Variants in MGAT4C observed in about 807,000 individuals in gnomAD.
MGAT4C encodes MGAT4 family member C.
In MGAT4C, 19 loss-of-function variants were observed where a neutral mutation model predicts 40.1. That is an observed-to-expected ratio of 0.47 (90% CI 0.33 to 0.70). MGAT4C has a LOEUF of 0.70. Ranked by LOEUF, MGAT4C falls within the 30% of genes least tolerant of loss-of-function variation. The pLI is 0.02. For missense variants in MGAT4C, 491 were observed against 563.2 expected, an observed-to-expected ratio of 0.87 and a Z score of 1.30; for synonymous variants, 181 against 187.1, an observed-to-expected ratio of 0.97 and a Z score of 0.27.
intron 1 of MGAT4C, among the ~76,000 whole-genome samples, chr12:86,172,446 G>A (rs1294761194): frequency 6.6e-6 from 1 of 151,972 alleles, no homozygotes; most frequent in Non-Finnish European, 1.5e-5. Context: ...CAGGTCTTCT[G>A]GTAGTCACTG....
intron 3 of MGAT4C, among the ~76,000 whole-genome samples, chr12:86,408,479 C>CTCTCTCTCTATATATATATATATA (rs1267344319): frequency 1.6e-5 from 1 of 63,342 alleles, no homozygotes; most frequent in African/African-American, 7.8e-5. Flanking sequence ...CTCTCTCTCT[C>CTCTCTCTCTATATATATATATATA]TATATATATA....
chr12:86,761,820 C>G (rs1388608680), intron 1 of MGAT4C, among the ~76,000 whole-genome samples: 1 of 152,016 alleles, frequency 6.6e-6, no homozygotes, highest in African/African-American at 2.4e-5. Flanking sequence ...TTCTTAAGGA[C>G]CTTTGTGATA....
chr12:86,142,682 G>T (rs1882993370), intron 1 of MGAT4C, among the ~76,000 whole-genome samples: 1 of 151,830 alleles, frequency 6.6e-6, no homozygotes, highest in South Asian at 2.1e-4. Context: ...ACATAGGTAG[G>T]GATGGAGAGA....
At chr12:86,721,551 G>A (rs1200980000) in intron 2 of MGAT4C, among the ~76,000 whole-genome samples, 1 of 152,012 alleles carries the variant, frequency 6.6e-6, no homozygotes, top group Non-Finnish European at 1.5e-5. Flanking sequence ...AGAATCTTTG[G>A]CTAGCAAGTT....
rs796784284 is a variant in MGAT4C at position 86,244,701 on chromosome 12, G to A, written c.-57+11538C>T. Among the ~76,000 whole-genome samples the A allele has an allele frequency of 7.2e-5, 11 of 152,236 alleles. 1 individual carries two copies. The highest frequency in any genetic ancestry group is 2.4e-4 in the African/African-American group (10 of 41,542). ...TACAGGGAAAGTGAAAATGCTCTAT[G>A]AGCACAAAAGAGGGACACCTCACTC... On this transcript the variant is annotated intron_variant, in intron 1 of 4. Transcript: ENST00000611864.
At chr12:86,066,347 G>A (rs898979914) in intron 1 of MGAT4C, among the ~76,000 whole-genome samples, 1 of 151,904 alleles carries the variant, frequency 6.6e-6, no homozygotes, top group Admixed American at 6.6e-5. Flanking sequence ...GCATTGTACT[G>A]CTACCAAAAC....
chr12:86,093,561 T>C (rs1165665162), intron 1 of MGAT4C, among the ~76,000 whole-genome samples: 2 of 151,992 alleles, frequency 1.3e-5, no homozygotes, highest in East Asian at 3.9e-4. Flanking sequence ...AAACCCTGTC[T>C]CTACCAAAAA....
chr12:86,185,132 T>C (rs1159387787), intron 1 of MGAT4C, among the ~76,000 whole-genome samples: 3 of 152,136 alleles, frequency 2.0e-5, no homozygotes, highest in African/African-American at 7.2e-5. Flanking sequence ...AAAAGCCAAT[T>C]AGATTTTTAA....
At chr12:86,760,487 T>C (rs1951385096) in intron 1 of MGAT4C, among the ~76,000 whole-genome samples, 1 of 152,068 alleles carries the variant, frequency 6.6e-6, no homozygotes. Context: ...GGCTTCCACT[T>C]CATTCAAGAT....
chr12:86,045,185 G>T (rs548066328), intron 2 of MGAT4C, among the ~76,000 whole-genome samples: 2 of 152,050 alleles, frequency 1.3e-5, no homozygotes, highest in Non-Finnish European at 2.9e-5. Flanking sequence ...TTCCTCCTGG[G>T]TGTGTCTGGT....
intron 2 of MGAT4C, among the ~76,000 whole-genome samples, chr12:86,022,867 C>G (rs1889893773): frequency 6.6e-6 from 1 of 152,068 alleles, no homozygotes. Context: ...AGAGACTTTT[C>G]TACTTGAGAG....
chr12:86,703,856 A>T (rs563391960), intron 2 of MGAT4C, among the ~76,000 whole-genome samples: 4 of 152,250 alleles, frequency 2.6e-5, no homozygotes, highest in South Asian at 2.1e-4. Context: ...TAACTTCATA[A>T]AAAGGGCTTA....
Position 85,974,982 on chromosome 12 carries a change from G to A in MGAT4C, c.*4307C>T, listed in dbSNP as rs535345396. 6.6e-6 allele frequency: 1 copy of A among 150,396 alleles called. No individual in the cohort carries two copies. The highest frequency in any genetic ancestry group is 2.1e-4 in the South Asian group (1 of 4,802). The allele number at this position is 150,396 out of a possible 1,614,324, so 9.3% of individuals were successfully genotyped here. On this transcript the variant is annotated 3_prime_UTR_variant, in exon 5 of 5. Coordinates refer to ENST00000611864, the MANE Select transcript of MGAT4C (RefSeq NM_001351288.2). ...CTGAAGACTGCATTTCTGAGCTTAA[G>A]GTAGATTCTAAACAACATCTTAGAA... is the stretch of plus-strand genomic sequence containing the variant.
chr12:86,088,060 C>G (rs1872226000), intron 1 of MGAT4C, among the ~76,000 whole-genome samples: 1 of 151,754 alleles, frequency 6.6e-6, no homozygotes, highest in Non-Finnish European at 1.5e-5. Flanking sequence ...GAACAGAACC[C>G]AGAAATAACG....
At chr12:86,235,927 C>T (rs893537718) in intron 1 of MGAT4C, among the ~76,000 whole-genome samples, 3 of 151,918 alleles carry the variant, frequency 2.0e-5, no homozygotes, top group African/African-American at 4.8e-5. Context: ...CCAACTACTC[C>T]AAAAACCTAA....
intron 1 of MGAT4C, among the ~76,000 whole-genome samples, chr12:86,809,587 G>A (rs1183039172): frequency 6.6e-6 from 1 of 151,906 alleles, no homozygotes; most frequent in African/African-American, 2.4e-5. Context: ...CCATTCTGCT[G>A]TAGTGATATT....
intron 4 of MGAT4C, among the ~76,000 whole-genome samples, chr12:86,291,722 A>G (rs1953523147): frequency 6.6e-6 from 1 of 152,238 alleles, no homozygotes; most frequent in African/African-American, 2.4e-5. Flanking sequence ...GACCTAACAT[A>G]GGTATCAGGT....
chr12:86,406,159 C>A (rs1956468831), intron 3 of MGAT4C, among the ~76,000 whole-genome samples: 1 of 149,422 alleles, frequency 6.7e-6, no homozygotes, highest in Non-Finnish European at 1.5e-5. Flanking sequence ...AAATATAAAG[C>A]ATAAGTAAAA....
At chr12:86,417,532 T>C (rs897293543) in intron 3 of MGAT4C, among the ~76,000 whole-genome samples, 1 of 152,142 alleles carries the variant, frequency 6.6e-6, no homozygotes, top group East Asian at 1.9e-4. Flanking sequence ...TTAGAATTTA[T>C]GTAAATTGAA....
Sources: allele counts gnomAD v4.1 joint callset (sites outside exome capture counted in the v4.1 genomes callset), GRCh38; gene constraint gnomAD v4.1.1; transcripts MANE v1.5; gene names NCBI Gene and HGNC (gene_info 2026-07-23, HGNC 2026-07-21).